TRMT11: variants seen among roughly 807,000 people sequenced by gnomAD.
The protein encoded by TRMT11 is tRNA methyltransferase 11, also known as tRNA (guanine(10)-N(2))-methyltransferase TRMT11.
TRMT11 carries 53 observed loss-of-function variants against 62.8 expected under a neutral mutation model. The observed-to-expected ratio is 0.84, with a 90% CI of 0.68 to 1.06. The LOEUF is 1.06. Ranked by LOEUF, TRMT11 falls within the 50% of genes least tolerant of loss-of-function variation. TRMT11 has a pLI of 0.00. For synonymous variants in TRMT11, 188 were observed against 190.3 expected, an observed-to-expected ratio of 0.99 and a Z score of 0.10; for missense variants, 556 against 553.4, an observed-to-expected ratio of 1.00 and a Z score of -0.05.
In TRMT11 at chr6:126,038,806, T is replaced by A. The variant is rs375671628; in HGVS notation, c.1362T>A (p.Ile454=). ...ATTTTAGTGGGGTAACAAAAAGAAT[T>A]GCCAAGGAAGAAAAATCCACCCAGG... ...EKYFSGVTKR[I]AKEEKSTQE The change falls in exon 13 of 13, where the codon ATT becomes ATA. Residue 454 remains isoleucine, a synonymous_variant. Transcript: ENST00000334379. 1 of 1,601,850 alleles carries A rather than the reference T, an allele frequency of 6.2e-7. No individual in the cohort carries two copies. Among genetic ancestry groups the A allele is most frequent in the South Asian group, 1.1e-5 (1 of 88,124 alleles).
chr6:126,026,128 C>T (rs1224967200), intron 12 of TRMT11, among the ~76,000 whole-genome samples: 1 of 152,174 alleles, frequency 6.6e-6, no homozygotes, highest in East Asian at 1.9e-4. Context: ...TGATGAGTAA[C>T]ACTTTTATAA....
At chr6:126,245,587 C>A in the TRMT11 span, among the ~76,000 whole-genome samples, 1 of 152,132 alleles carries the variant, frequency 6.6e-6, no homozygotes, top group Non-Finnish European at 1.5e-5. Flanking sequence ...CATTGGTAGC[C>A]AATTAGGTAA....
intron 17 of TRMT11, among the ~76,000 whole-genome samples, chr6:126,091,139 G>T (rs566735505): frequency 1.2e-4 from 18 of 151,268 alleles, no homozygotes; most frequent in Non-Finnish European, 2.1e-4. Context: ...GGGAGGTGGA[G>T]GTTGCAGTGA....
At chr6:126,154,824 G>A (rs1273549446) in intron 21 of TRMT11, among the ~76,000 whole-genome samples, 4 of 152,186 alleles carry the variant, frequency 2.6e-5, no homozygotes, top group Non-Finnish European at 5.9e-5. Context: ...CCTGGTCCAA[G>A]CATGGACTGA....
At chr6:126,099,408 G>A (rs1777373346) in intron 17 of TRMT11, among the ~76,000 whole-genome samples, 1 of 152,208 alleles carries the variant, frequency 6.6e-6, no homozygotes, top group South Asian at 2.1e-4. Context: ...GTGACCTGCT[G>A]TGATAACTAA....
intron 17 of TRMT11, among the ~76,000 whole-genome samples, chr6:126,085,838 T>C (rs1777211620): frequency 6.6e-6 from 1 of 152,214 alleles, no homozygotes; most frequent in African/African-American, 2.4e-5. Context: ...CTTTGGGCGA[T>C]GATGTGTCAA....
At chr6:126,180,709 T>G (rs770688870) in intron 1 of TRMT11, among the ~76,000 whole-genome samples, 11 of 152,204 alleles carry the variant, frequency 7.2e-5, no homozygotes, top group Non-Finnish European at 1.3e-4. Context: ...CATGTGGCAA[T>G]ATGAGCCTAA....
At chr6:126,209,224 G>A in the TRMT11 span, among the ~76,000 whole-genome samples, 1 of 152,122 alleles carries the variant, frequency 6.6e-6, no homozygotes, top group African/African-American at 2.4e-5. Flanking sequence ...AGAGTCAGGA[G>A]ATCACTGACT....
At chr6:126,209,291 C>T in the TRMT11 span, among the ~76,000 whole-genome samples, 1 of 152,072 alleles carries the variant, frequency 6.6e-6, no homozygotes. Flanking sequence ...AACAAGGAGG[C>T]TTTACTAGGT....
At position 126,201,849 on chromosome 6, in the gene TRMT11, G is replaced by A. The variant is rs141909008; in HGVS notation, n.372-179G>A. Among the ~76,000 whole-genome samples, 1,001 of 152,002 alleles carry A rather than the reference G, an allele frequency of 6.6e-3. 13 individuals are homozygous for A. Among genetic ancestry groups the A allele is most frequent in the African/African-American group, 0.023 (951 of 41,452 alleles). ...TCTGATCATTAAAATCCAATTCAGA[G>A]TACTTTTATATTCTTCATTGAATTG... On this transcript the variant is annotated intron_variant and non_coding_transcript_variant, in intron 3 of 3. Coordinates refer to the TRMT11 transcript ENST00000444229.
downstream of TRMT11, among the ~76,000 whole-genome samples, chr6:126,042,613 C>T (rs1437396703): frequency 6.6e-6 from 1 of 152,094 alleles, no homozygotes; most frequent in Non-Finnish European, 1.5e-5. Context: ...AACTGAATTG[C>T]CTAAAAAGGA....
intron 21 of TRMT11, among the ~76,000 whole-genome samples, chr6:126,157,125 C>T (rs1389720851): frequency 6.6e-6 from 1 of 152,216 alleles, no homozygotes; most frequent in Non-Finnish European, 1.5e-5. Flanking sequence ...TGTCCATAGA[C>T]TGCTCTCTGT....
chr6:125,998,510 AATT>A, intron 5 of TRMT11, 37 bp from the exon 6 acceptor site: 1 of 1,581,940 alleles, frequency 6.3e-7, no homozygotes, highest in South Asian at 1.2e-5. Context: ...TTTCATTGTA[AATT>A]ATTATAAGAC....
At chr6:126,127,955 G>A (rs994191197) in intron 21 of TRMT11, among the ~76,000 whole-genome samples, 15 of 152,014 alleles carry the variant, frequency 9.9e-5, no homozygotes, top group African/African-American at 3.6e-4. Context: ...TTTAAAAATT[G>A]TCATGACAGG....
At chr6:126,011,025 T>C (rs1043720512) in intron 8 of TRMT11, among the ~76,000 whole-genome samples, 1 of 152,180 alleles carries the variant, frequency 6.6e-6, no homozygotes, top group Non-Finnish European at 1.5e-5. Flanking sequence ...TTTAAGGCAG[T>C]TTTACTTGGA....
At chr6:126,077,773 A>G (rs1337463925) in intron 17 of TRMT11, among the ~76,000 whole-genome samples, 2 of 152,188 alleles carry the variant, frequency 1.3e-5, no homozygotes, top group Non-Finnish European at 2.9e-5. Context: ...GTTTGGTGAG[A>G]TAATGTTAGT....
chr6:126,245,199 GA>G, the TRMT11 span, among the ~76,000 whole-genome samples: 1 of 152,220 alleles, frequency 6.6e-6, no homozygotes, highest in African/African-American at 2.4e-5. Flanking sequence ...GTGGACCCAT[GA>G]ATGATTAGAG....
At chr6:126,268,070 A>C in the TRMT11 span, among the ~76,000 whole-genome samples, 1 of 152,292 alleles carries the variant, frequency 6.6e-6, no homozygotes, top group South Asian at 2.1e-4. Flanking sequence ...ATGCTCCTTA[A>C]ACTAAATTAG....
chr6:126,141,796 C>A lies in TRMT11; in HGVS notation c.*1823+25941C>A, dbSNP rs78694036. ...ATTAATAAATGCTTTTTATTCTAAG[C>A]GTAAGTGAAGTCAAGTCTAGTTAAT... On this transcript the variant is annotated intron_variant and NMD_transcript_variant, in intron 21 of 22. Coordinates refer to the TRMT11 transcript ENST00000648977. Among the ~76,000 whole-genome samples, 3 of 152,108 alleles carry A rather than the reference C, an allele frequency of 2.0e-5. No homozygotes were observed. The East Asian group carries it at 5.8e-4, about 29-fold the overall frequency.
Sources: gnomAD v4.1 joint callset for allele counts (sites outside exome capture counted in the v4.1 genomes callset) on GRCh38, gnomAD v4.1.1 for gene constraint, MANE v1.5 for transcripts, NCBI Gene and HGNC (gene_info 2026-07-23, HGNC 2026-07-21) for gene names.